SLCO5A1: variants seen among roughly 807,000 people sequenced by gnomAD.
SLCO5A1 encodes the protein solute carrier organic anion transporter family member 5A1, also known as organic anion transporter polypeptide-related protein 4.
Under a neutral mutation model 65.1 loss-of-function variants are expected in SLCO5A1, and 39 were observed. The ratio of observed to expected loss-of-function variants is 0.60; its 90% CI spans 0.46 to 0.78. The LOEUF (loss-of-function observed/expected upper bound fraction) is 0.78. Ranked by LOEUF, SLCO5A1 falls within the 30% of genes least tolerant of loss-of-function variation. The pLI is 0.00. For missense variants in SLCO5A1, 1,029 were observed against 1,069.4 expected (o/e 0.96, Z 0.53); for synonymous variants, 438 against 415.7 (o/e 1.05, Z -0.65).
At chr8:69,685,544 G>GTGTTAA (rs1437513714) in intron 6 of SLCO5A1, among the ~76,000 whole-genome samples, 4 of 152,198 alleles carry the variant, frequency 2.6e-5, no homozygotes, top group African/African-American at 9.6e-5. Context: ...ATCAATGTAA[G>GTGTTAA]TGTTAATTTT....
intron 7 of SLCO5A1, among the ~76,000 whole-genome samples, chr8:69,680,125 G>A (rs967754658): frequency 5.9e-5 from 9 of 152,142 alleles, no homozygotes; most frequent in African/African-American, 2.2e-4. Flanking sequence ...TTGGTGTTCC[G>A]TTTTCTTTTC....
intron 2 of SLCO5A1, among the ~76,000 whole-genome samples, chr8:69,798,808 T>G (rs1819612238): frequency 6.6e-6 from 1 of 152,248 alleles, no homozygotes; most frequent in African/African-American, 2.4e-5. Flanking sequence ...AAGAGGAAGC[T>G]GAAAGTAAAG....
At chr8:69,791,707 A>T (rs1669395836) in intron 2 of SLCO5A1, among the ~76,000 whole-genome samples, 1 of 152,202 alleles carries the variant, frequency 6.6e-6, no homozygotes, top group Admixed American at 6.5e-5. Flanking sequence ...GACAGCATCC[A>T]GGTCATTAAC....
At chr8:69,817,555 C>A (rs185083430) in intron 2 of SLCO5A1, among the ~76,000 whole-genome samples, 39 of 152,266 alleles carry the variant, frequency 2.6e-4, no homozygotes, top group African/African-American at 8.9e-4. Context: ...TTTTAAGGAA[C>A]TATCATACTG....
At chr8:69,810,344 G>T (rs1412253937) in intron 2 of SLCO5A1, among the ~76,000 whole-genome samples, 1 of 152,196 alleles carries the variant, frequency 6.6e-6, no homozygotes, top group African/African-American at 2.4e-5. Flanking sequence ...GGAGGAGTGA[G>T]GGTAAGAAGC....
chr8:69,683,709 C>T (rs903821283), intron 6 of SLCO5A1, among the ~76,000 whole-genome samples: 8 of 152,034 alleles, frequency 5.3e-5, no homozygotes, highest in Non-Finnish European at 8.8e-5. Flanking sequence ...ATTACAGGCA[C>T]CTGCCACCAT....
At chr8:69,758,077 T>C (rs1817603321) in intron 3 of SLCO5A1, among the ~76,000 whole-genome samples, 1 of 152,240 alleles carries the variant, frequency 6.6e-6, no homozygotes, top group African/African-American at 2.4e-5. Flanking sequence ...CAAAATTAAA[T>C]AAGACAGTGT....
chr8:69,700,358 A>G (rs1312142851), intron 6 of SLCO5A1: 1 of 152,168 alleles, frequency 6.6e-6, no homozygotes, highest in East Asian at 1.9e-4. Flanking sequence ...GAAGCTGCAC[A>G]CTTGGTCAAA....
intron 6 of SLCO5A1, among the ~76,000 whole-genome samples, chr8:69,691,981 G>T (rs1814281328): frequency 6.6e-6 from 1 of 152,238 alleles, no homozygotes; most frequent in Admixed American, 6.5e-5. Context: ...GGACGCGGTG[G>T]CTCACGCCTG....
At chr8:69,707,153 C>CA (rs1389829077) in intron 5 of SLCO5A1, among the ~76,000 whole-genome samples, 2 of 151,894 alleles carry the variant, frequency 1.3e-5, no homozygotes, top group East Asian at 3.9e-4. Context: ...CTCCACACCT[C>CA]AAAAAAATAA....
intron 7 of SLCO5A1, among the ~76,000 whole-genome samples, chr8:69,681,721 T>C (rs181096575): frequency 0.02 from 2,837 of 144,538 alleles, 55 homozygotes; most frequent in Non-Finnish European, 0.032. Flanking sequence ...ACTTTGAAAG[T>C]TTTTTTTTAA....
intron 5 of SLCO5A1, among the ~76,000 whole-genome samples, chr8:69,722,146 G>A (rs1396958793): frequency 6.6e-6 from 1 of 152,064 alleles, no homozygotes; most frequent in Non-Finnish European, 1.5e-5. Context: ...TCTGCAGCCT[G>A]GGTGACAGAG....
At chr8:69,799,833 C>A (rs530212459) in intron 2 of SLCO5A1, among the ~76,000 whole-genome samples, 1 of 152,294 alleles carries the variant, frequency 6.6e-6, no homozygotes, top group African/African-American at 2.4e-5. Context: ...GGGTCTGTCC[C>A]ACAACATGTG....
In SLCO5A1 at chr8:69,761,564, G is replaced by T. The variant is rs1817776836; in HGVS notation, c.1040+179C>A. On this transcript the variant is annotated intron_variant, in intron 3 of 9. Coordinates refer to ENST00000260126, the MANE Select transcript of SLCO5A1 (RefSeq NM_030958.3). ...GCCATGTAAGATAACATATTCATAG[G>T]TTCTGGGGATTAGGACGTAGCTTTC... The T allele has an allele frequency of 1.8e-5, 11 of 619,112 alleles. No individual in the cohort carries two copies. The South Asian group carries it at 2.3e-4, about 13-fold the overall frequency. The allele number at this position is 619,112 out of a possible 1,614,324, so 38.4% of individuals were successfully genotyped here. A position where few individuals can be genotyped will look rare whatever the true frequency, so the allele number is the denominator to read the frequency against.
intron 2 of SLCO5A1, among the ~76,000 whole-genome samples, chr8:69,800,756 A>G (rs909445678): frequency 6.6e-6 from 1 of 152,184 alleles, no homozygotes; most frequent in Non-Finnish European, 1.5e-5. Context: ...TATCTGCTCC[A>G]TGACTTCTGA....
chr8:69,818,546 C>A (rs549561648), intron 2 of SLCO5A1, among the ~76,000 whole-genome samples: 1 of 152,178 alleles, frequency 6.6e-6, no homozygotes, highest in East Asian at 1.9e-4. Context: ...ATCAATAAAA[C>A]CCTATTTGAA....
chr8:69,801,221 C>T (rs1819722209), intron 2 of SLCO5A1, among the ~76,000 whole-genome samples: 1 of 152,222 alleles, frequency 6.6e-6, no homozygotes, highest in Non-Finnish European at 1.5e-5. Flanking sequence ...CTATTGCTAA[C>T]ATCTCTTCAA....
chr8:69,791,858 A>G (rs1235692162), intron 2 of SLCO5A1, among the ~76,000 whole-genome samples: 1 of 152,260 alleles, frequency 6.6e-6, no homozygotes, highest in East Asian at 1.9e-4. Flanking sequence ...TCAAGCAAAT[A>G]TTGATCTAAC....
At chr8:69,829,875 T>A (rs1821085486) in intron 2 of SLCO5A1, among the ~76,000 whole-genome samples, 1 of 152,150 alleles carries the variant, frequency 6.6e-6, no homozygotes, top group Non-Finnish European at 1.5e-5. Flanking sequence ...TAGCCTCCCA[T>A]CTCCCAAAAT....
Sources: gnomAD v4.1 joint callset for allele counts (sites outside exome capture counted in the v4.1 genomes callset) on GRCh38, gnomAD v4.1.1 for gene constraint, MANE v1.5 for transcripts, NCBI Gene and HGNC (gene_info 2026-07-23, HGNC 2026-07-21) for gene names.